XPNPEP3: variants seen among roughly 807,000 people sequenced by gnomAD.
XPNPEP3 encodes xaa-Pro aminopeptidase 3.
A neutral mutation model predicts 60.0 loss-of-function variants in XPNPEP3; 41 were observed. The observed-to-expected ratio is 0.68, with a 90% CI of 0.53 to 0.89. XPNPEP3 has a LOEUF of 0.89. Among genes scored for constraint, XPNPEP3 ranks in the 40% least tolerant of loss-of-function variants. The probability of loss-of-function intolerance (pLI) is 0.00; values close to 1 mark genes in which losing one functional copy is unlikely to be tolerated. For missense variants in XPNPEP3, 598 were observed against 638.9 expected (o/e 0.94, Z 0.69); for synonymous variants, 212 against 223.2 (o/e 0.95, Z 0.45).
chr22:40,892,665 T>G (rs1030241962), intron 4 of XPNPEP3, among the ~76,000 whole-genome samples: 3 of 152,178 alleles, frequency 2.0e-5, no homozygotes, highest in Non-Finnish European at 4.4e-5. Flanking sequence ...GTACAACTGC[T>G]TTACTACAAC....
At chr22:40,880,275 C>T (rs2058042444) in intron 2 of XPNPEP3, among the ~76,000 whole-genome samples, 1 of 151,576 alleles carries the variant, frequency 6.6e-6, no homozygotes, top group Non-Finnish European at 1.5e-5. Context: ...GTTATGGTCT[C>T]TTCACCCCAA....
chr22:40,872,278 A>G (rs985430148), intron 2 of XPNPEP3, among the ~76,000 whole-genome samples: 8 of 152,198 alleles, frequency 5.3e-5, no homozygotes, highest in African/African-American at 1.9e-4. Context: ...AAATCTGAGC[A>G]CTGTAGACCA....
At chr22:40,889,880 G>A (rs1237669298) in intron 4 of XPNPEP3, among the ~76,000 whole-genome samples, 1 of 152,116 alleles carries the variant, frequency 6.6e-6, no homozygotes, top group African/African-American at 2.4e-5. Flanking sequence ...GTGAAGGGTT[G>A]GTACTGATTT....
chr22:40,884,582 C>A (rs974897450), intron 3 of XPNPEP3, among the ~76,000 whole-genome samples: 1 of 151,564 alleles, frequency 6.6e-6, no homozygotes, highest in African/African-American at 2.4e-5. Context: ...GATCCACCCC[C>A]CTCAGCCTCC....
Position 40,922,450 on chromosome 22 carries a change from G to C in XPNPEP3, c.1173G>C (p.Leu391=), listed in dbSNP as rs374128745. 145 of 1,613,988 alleles carry C rather than the reference G, an allele frequency of 9.0e-5. No homozygotes were observed. The highest frequency in any genetic ancestry group is 3.2e-4 in the Admixed American group (19 of 60,008). The stretch of plus-strand genomic sequence containing the variant: ...ACATCTACAGCATGATGCTGACCCT[G>C]ATAGGACAGAAGCTTAAAGACTTGG... ...LENIYSMMLT[L]IGQKLKDLGI... is the part of the protein sequence containing the mutation. The change falls in exon 8 of 10, where the codon CTG becomes CTC. Residue 391 remains leucine (L), a synonymous_variant. Coordinates refer to ENST00000357137, the MANE Select transcript of XPNPEP3 (RefSeq NM_022098.4).
At chr22:40,894,512 C>G (rs2058100704) in intron 4 of XPNPEP3, among the ~76,000 whole-genome samples, 1 of 152,120 alleles carries the variant, frequency 6.6e-6, no homozygotes, top group Non-Finnish European at 1.5e-5. Context: ...AGGAAACTTC[C>G]TCGGTCAGCT....
intron 4 of XPNPEP3, among the ~76,000 whole-genome samples, chr22:40,892,787 T>A (rs1481211721): frequency 6.6e-5 from 10 of 152,166 alleles, no homozygotes; most frequent in Admixed American, 6.6e-4. Context: ...ATCATCCACA[T>A]TGAATTTTGA....
At chr22:40,889,312 A>G (rs2058080689) in intron 4 of XPNPEP3, among the ~76,000 whole-genome samples, 1 of 152,190 alleles carries the variant, frequency 6.6e-6, no homozygotes, top group Non-Finnish European at 1.5e-5. Context: ...GGCATGAGCC[A>G]ACATGTCCAG....
At chr22:40,906,407 TGA>T (rs1364208468) in intron 4 of XPNPEP3, among the ~76,000 whole-genome samples, 1 of 144,764 alleles carries the variant, frequency 6.9e-6, no homozygotes, top group Non-Finnish European at 1.5e-5. Context: ...TGGGATGGAG[TGA>T]GACTCTGTCT....
At chr22:40,907,131 C>T (rs1032955752) in intron 4 of XPNPEP3, 12 of 456,094 alleles carry the variant, frequency 2.6e-5, no homozygotes, top group African/African-American at 6.0e-5. Flanking sequence ...TTCAGAAATC[C>T]GTATTATTGG....
chr22:40,922,406 C>G lies in XPNPEP3; in HGVS notation c.1129C>G (p.Pro377Ala). ...AAGAGATTGTTTGGCCCTCTGCTTCCCTGGGACAAGCTTGGAGAACATCTA... is the reference window on the plus strand; with the variant it reads ...AAGAGATTGTTTGGCCCTCTGCTTCGCTGGGACAAGCTTGGAGAACATCTA... ...IQRDCLALCF[P>A]GTSLENIYSM... Residue 377 changes from proline to alanine, a missense_variant, in exon 8 of 10, where the codon CCT becomes GCT. By Grantham distance (27) the Pro-to-Ala change is conservative. Coordinates refer to ENST00000357137, the MANE Select transcript of XPNPEP3 (RefSeq NM_022098.4). The G allele has an allele frequency of 6.2e-7, 1 of 1,613,804 alleles. No homozygotes were observed.
intron 7 of XPNPEP3, among the ~76,000 whole-genome samples, chr22:40,918,647 G>A (rs1312693135): frequency 6.6e-6 from 1 of 151,480 alleles, no homozygotes; most frequent in African/African-American, 2.4e-5. Context: ...TCACACCACT[G>A]TACTCCAGCC....
Position 40,926,701 on chromosome 22 carries a change from T to C in XPNPEP3, c.*266T>C. The C allele has an allele frequency of 4.1e-6, 2 of 488,734 alleles. No individual in the cohort carries two copies. Among genetic ancestry groups the C allele is most frequent in the Non-Finnish European group, 7.5e-6 (2 of 268,234 alleles). The allele number at this position is 488,734 out of a possible 1,614,324, so 30.3% of individuals were successfully genotyped here. A position where few individuals can be genotyped will look rare whatever the true frequency, so the allele number is the denominator to read the frequency against. Reference sequence around the variant, plus strand: ...GAATTAATGATCAGAGCAAGTTTAATTTTTAAACATAAAGGTCTTGGTTAC... The same window carrying C: ...GAATTAATGATCAGAGCAAGTTTAACTTTTAAACATAAAGGTCTTGGTTAC... On this transcript the variant is annotated 3_prime_UTR_variant, in exon 10 of 10. Transcript: ENST00000357137.
intron 4 of XPNPEP3, among the ~76,000 whole-genome samples, chr22:40,890,385 T>C (rs528422871): frequency 6.7e-6 from 1 of 149,874 alleles, no homozygotes; most frequent in African/African-American, 2.5e-5. Context: ...CCCCCATCTC[T>C]ACAAAAATTT....
chr22:40,898,224 CATTTTTTTT>C (rs2058116895), intron 4 of XPNPEP3, among the ~76,000 whole-genome samples: 3 of 70,224 alleles, frequency 4.3e-5, no homozygotes, highest in Admixed American at 2.8e-4. Flanking sequence ...GTCTTTGACC[CATTTTTTTT>C]TTTTTTTTTT....
At position 40,932,228 on chromosome 22, in the gene XPNPEP3, T is replaced by G. The variant is rs1287859203; in HGVS notation, c.*5793T>G. The G allele has an allele frequency of 6.6e-6, 1 of 152,136 alleles. No individual in the cohort carries two copies. Among genetic ancestry groups the G allele is most frequent in the Non-Finnish European group, 1.5e-5 (1 of 68,030 alleles). 9.4% of individuals were successfully genotyped at this position (152,136 alleles called of 1,614,324 possible). A position where few individuals can be genotyped will look rare whatever the true frequency, so the allele number is the denominator to read the frequency against. ...CTGCTGTCCCTCAACTAGTGTCTGA[T>G]AGCTGAGAATGTAATTCGTTTGTGT... On this transcript the variant is annotated 3_prime_UTR_variant, in exon 10 of 10. Transcript: ENST00000357137.
intron 4 of XPNPEP3, among the ~76,000 whole-genome samples, chr22:40,899,172 A>T (rs889079450): frequency 7.2e-5 from 11 of 152,144 alleles, no homozygotes; most frequent in Non-Finnish European, 1.5e-4. Context: ...ATCGCTGTCA[A>T]CTTGCCACTC....
intron 1 of XPNPEP3, among the ~76,000 whole-genome samples, chr22:40,863,468 A>T (rs1490400178): frequency 6.6e-6 from 1 of 152,204 alleles, no homozygotes; most frequent in Non-Finnish European, 1.5e-5. Context: ...ACGCTAATGA[A>T]ATCTAAAACT....
At chr22:40,880,992 T>C (rs1271215177) in intron 2 of XPNPEP3, among the ~76,000 whole-genome samples, 1 of 152,098 alleles carries the variant, frequency 6.6e-6, no homozygotes, top group South Asian at 2.1e-4. Context: ...TTAAAATGCA[T>C]TGTGGTGATG....
Sources: gnomAD v4.1 joint callset for allele counts (sites outside exome capture counted in the v4.1 genomes callset) on GRCh38, gnomAD v4.1.1 for gene constraint, MANE v1.5 for transcripts, NCBI Gene and HGNC (gene_info 2026-07-23, HGNC 2026-07-21) for gene names.